Variants in RANBP2 observed in about 807,000 individuals in gnomAD.
The protein encoded by RANBP2 is RAN binding protein 2, also known as E3 SUMO-protein ligase RanBP2.
In RANBP2, 57 loss-of-function variants were observed where a neutral mutation model predicts 303.6. The observed-to-expected ratio is 0.19, with a 90% CI of 0.15 to 0.23. The LOEUF (loss-of-function observed/expected upper bound fraction) is 0.23. RANBP2 is among the 10% of genes least tolerant of loss of function. The pLI is 1.00. For synonymous variants in RANBP2, 1,167 were observed against 1,301.5 expected (o/e 0.90, Z 2.23); for missense variants, 3,138 against 3,780.8 (o/e 0.83, Z 4.46).
chr2:109,744,317 G>C, the RANBP2 span, among the ~76,000 whole-genome samples: 9 of 90,852 alleles, frequency 9.9e-5, 2 homozygotes, highest in South Asian at 2.5e-3. Flanking sequence ...ATTCTTACTA[G>C]CGTGAGATGT....
the RANBP2 span, chr2:108,876,313 C>A: frequency 3.3e-6 from 3 of 914,842 alleles, no homozygotes; most frequent in Non-Finnish European, 3.2e-6. Context: ...TAGAAATTAC[C>A]AAAGTAACTA....
At chr2:108,999,190 C>G in the RANBP2 span, among the ~76,000 whole-genome samples, 1 of 152,164 alleles carries the variant, frequency 6.6e-6, no homozygotes, top group Non-Finnish European at 1.5e-5. Context: ...CTCCAGAAGC[C>G]CTGGGTTCTT....
the RANBP2 span, among the ~76,000 whole-genome samples, chr2:109,626,162 A>G: frequency 1.3e-5 from 2 of 152,140 alleles, no homozygotes; most frequent in Non-Finnish European, 2.9e-5. Context: ...ATTGACAGTA[A>G]CATCTAGATG....
At chr2:109,240,947 ACCT>A in the RANBP2 span, among the ~76,000 whole-genome samples, 1 of 143,192 alleles carries the variant, frequency 7.0e-6, no homozygotes, top group Non-Finnish European at 1.5e-5. Flanking sequence ...TTTCTCCCTC[ACCT>A]CCTTATAATC....
chr2:109,678,929 G>A, the RANBP2 span, among the ~76,000 whole-genome samples: 1 of 152,224 alleles, frequency 6.6e-6, no homozygotes, highest in Non-Finnish European at 1.5e-5. Context: ...TAGGAATGCA[G>A]GAAGGAGGCG....
chr2:109,680,875 T>G, the RANBP2 span, among the ~76,000 whole-genome samples: 1 of 152,252 alleles, frequency 6.6e-6, no homozygotes, highest in Non-Finnish European at 1.5e-5. Flanking sequence ...GGGGCTTTGC[T>G]GCTGGAAATA....
the RANBP2 span, among the ~76,000 whole-genome samples, chr2:109,078,102 A>ATATATATACATATGGCG: frequency 1.1e-5 from 1 of 90,126 alleles, no homozygotes; most frequent in Non-Finnish European, 2.2e-5. Flanking sequence ...ATATATATAT[A>ATATATATACATATGGCG]TATATATATA....
At chr2:109,173,249 A>G in the RANBP2 span, among the ~76,000 whole-genome samples, 7 of 152,088 alleles carry the variant, frequency 4.6e-5, no homozygotes, top group Non-Finnish European at 1.0e-4. Context: ...AACCTTAAGA[A>G]TTGTCTGGCT....
the RANBP2 span, among the ~76,000 whole-genome samples, chr2:109,262,209 AC>A: frequency 6.6e-6 from 1 of 152,206 alleles, no homozygotes; most frequent in African/African-American, 2.4e-5. Flanking sequence ...TTTAAAGAAG[AC>A]CAACATCATG....
the RANBP2 span, among the ~76,000 whole-genome samples, chr2:109,494,433 T>C: frequency 2.3e-3 from 348 of 152,250 alleles, no homozygotes; most frequent in African/African-American, 7.0e-3. Context: ...CCTGGTATCC[T>C]GGGGAGCCCT....
chr2:109,416,904 CAAA>C, the RANBP2 span, among the ~76,000 whole-genome samples: 4 of 64,346 alleles, frequency 6.2e-5, no homozygotes, highest in Admixed American at 1.8e-4. Flanking sequence ...GACTTCATCT[CAAA>C]AAAAAAAAAA....
At chr2:109,150,062 G>C in the RANBP2 span, among the ~76,000 whole-genome samples, 2 of 152,178 alleles carry the variant, frequency 1.3e-5, no homozygotes, top group Non-Finnish European at 2.9e-5. Context: ...CAGATTCAAC[G>C]GTCCCCAGGT....
the RANBP2 span, among the ~76,000 whole-genome samples, chr2:109,588,327 T>TGTAA: frequency 2.6e-5 from 4 of 152,244 alleles, no homozygotes; most frequent in African/African-American, 9.6e-5. Context: ...TGTGGGTAAA[T>TGTAA]GTAAGAGAGG....
the RANBP2 span, among the ~76,000 whole-genome samples, chr2:108,913,856 A>G: frequency 1.3e-5 from 2 of 151,186 alleles, no homozygotes; most frequent in African/African-American, 4.9e-5. Context: ...AGGCTGAGGC[A>G]GGAGAATGGC....
chr2:109,442,488 T>TAAA, the RANBP2 span, among the ~76,000 whole-genome samples: 2 of 152,164 alleles, frequency 1.3e-5, no homozygotes, highest in African/African-American at 4.8e-5. Context: ...TGAATATCTT[T>TAAA]AAAATATAAT....
the RANBP2 span, among the ~76,000 whole-genome samples, chr2:109,520,219 T>G: frequency 6.6e-6 from 1 of 152,224 alleles, no homozygotes; most frequent in Admixed American, 6.5e-5. Context: ...TTATCTCAAA[T>G]TTTAAGTTTT....
chr2:109,523,724 C>T, the RANBP2 span, among the ~76,000 whole-genome samples: 1 of 152,172 alleles, frequency 6.6e-6, no homozygotes, highest in African/African-American at 2.4e-5. Context: ...CCCCAGCTCA[C>T]CCCTGCACCC....
chr2:109,169,128 T>C, the RANBP2 span, among the ~76,000 whole-genome samples: 2 of 152,148 alleles, frequency 1.3e-5, no homozygotes, highest in African/African-American at 4.8e-5. Context: ...GTAGATTTGT[T>C]AGTTGTAAGG....
chr2:109,181,113 G>A, the RANBP2 span, among the ~76,000 whole-genome samples: 1 of 152,344 alleles, frequency 6.6e-6, no homozygotes, highest in Non-Finnish European at 1.5e-5. Flanking sequence ...GTGAGGAGAA[G>A]TGATGGCTCA....
Sources: gnomAD v4.1 joint callset for allele counts (sites outside exome capture counted in the v4.1 genomes callset) on GRCh38, gnomAD v4.1.1 for gene constraint, MANE v1.5 for transcripts, NCBI Gene and HGNC (gene_info 2026-07-23, HGNC 2026-07-21) for gene names.